Variants in ANKHD1 observed in about 807,000 individuals in gnomAD.
The protein encoded by ANKHD1 is ankyrin repeat and KH domain-containing protein 1.
A neutral mutation model predicts 230.5 loss-of-function variants in ANKHD1; 31 were observed. That is an observed-to-expected ratio of 0.13 (90% CI 0.10 to 0.18). The LOEUF (loss-of-function observed/expected upper bound fraction) is 0.18, where lower values mean the gene tolerates loss of function less well. ANKHD1 is among the 10% of genes least tolerant of loss of function. The pLI, the probability that ANKHD1 is intolerant of heterozygous loss-of-function variation, is 1.00. For synonymous variants in ANKHD1, 1,074 were observed against 1,117.6 expected (o/e 0.96, Z 0.78); for missense variants, 2,256 against 3,071.3 (o/e 0.73, Z 6.27).
At chr5:140,477,448 T>C (rs1332027791) in intron 10 of ANKHD1, among the ~76,000 whole-genome samples, 1 of 152,170 alleles carries the variant, frequency 6.6e-6, no homozygotes, top group Admixed American at 6.5e-5. Context: ...TTCCAATACA[T>C]GGAATATTTA....
chr5:140,519,722 C>T (rs914953167), intron 24 of ANKHD1, among the ~76,000 whole-genome samples: 4 of 152,100 alleles, frequency 2.6e-5, no homozygotes, highest in African/African-American at 9.7e-5. Flanking sequence ...ACTGGCTAGC[C>T]ATATGTAGAA....
chr5:140,518,855 G>A (rs1284715420), intron 24 of ANKHD1, among the ~76,000 whole-genome samples: 20 of 152,094 alleles, frequency 1.3e-4, no homozygotes, highest in Admixed American at 9.2e-4. Context: ...AACTGGAAGC[G>A]TTCCCTTTGA....
At chr5:140,407,736 AT>A (rs756651090) in intron 1 of ANKHD1, among the ~76,000 whole-genome samples, 1 of 152,140 alleles carries the variant, frequency 6.6e-6, no homozygotes, top group East Asian at 1.9e-4. Context: ...TGGTCTTTTA[AT>A]TTTTTTAGCA....
intron 7 of ANKHD1, among the ~76,000 whole-genome samples, chr5:140,450,115 A>T (rs985044304): frequency 2.6e-5 from 4 of 152,230 alleles, no homozygotes; most frequent in Non-Finnish European, 4.4e-5. Context: ...AAGCATTCTG[A>T]TAAGTATTTA....
At chr5:140,474,636 G>T (rs368726593) in intron 10 of ANKHD1, among the ~76,000 whole-genome samples, 1 of 125,860 alleles carries the variant, frequency 7.9e-6, no homozygotes. Context: ...TCACTTTGTC[G>T]CTCAGGCTAG....
In ANKHD1 at chr5:140,402,088, A is replaced by T; in HGVS notation, c.121A>T (p.Ile41Phe). 6.6e-7 allele frequency: 1 copy of T among 1,517,032 alleles called. No homozygotes were observed. Among genetic ancestry groups the T allele is most frequent in the South Asian group, 1.3e-5 (1 of 78,242 alleles). 94.0% of individuals were successfully genotyped at this position (1,517,032 alleles called of 1,614,324 possible). ...TCCGCCGGGAGGGGTCGGTCTGGGG[A>T]TCCGCACCGTGAGGCTCTTTGGGGA... ...PPPPGGVGLG[I>F]RTVRLFGEAG... Residue 41 changes from isoleucine to phenylalanine, a missense_variant, in exon 1 of 34, where the codon ATC becomes TTC. Ile to Phe is a conservative substitution (Grantham distance 21). Coordinates refer to ENST00000360839, the MANE Select transcript of ANKHD1 (RefSeq NM_017747.3).
At chr5:140,448,158 C>T (rs1245246222) in intron 6 of ANKHD1, among the ~76,000 whole-genome samples, 1 of 152,086 alleles carries the variant, frequency 6.6e-6, no homozygotes, top group South Asian at 2.1e-4. Context: ...TATGATCATG[C>T]CACTGGACTA....
chr5:140,508,631 C>A (rs1310335556), intron 20 of ANKHD1, among the ~76,000 whole-genome samples: 1 of 151,998 alleles, frequency 6.6e-6, no homozygotes, highest in Middle Eastern at 3.2e-3. Context: ...TGGCAGGCGC[C>A]TTTAATCCCA....
chr5:140,486,990 G>T lies in ANKHD1; in HGVS notation c.2175G>T (p.Met725Ile), dbSNP rs779781118. Residue 725 changes from methionine to isoleucine, a missense_variant, in exon 14 of 34, where the codon ATG becomes ATT. Around this residue, in one of 13 missense-constraint regions of ANKHD1, gnomAD observed 358 missense variants for 397.7 expected, o/e 0.90. Transcript: ENST00000360839. ...VPRVPTHTLAMVVPPQEPDRT... is the reference protein window; with the variant it reads ...VPRVPTHTLAIVVPPQEPDRT... ...GTGTGCCAACGCATACACTTGCCAT[G>T]GTTGTACCTCCCCAGGAACCTGACA... is the stretch of plus-strand genomic sequence containing the variant. The T allele has an allele frequency of 1.2e-6, 2 of 1,613,402 alleles. No individual in the cohort carries two copies. The highest frequency in any genetic ancestry group is 4.5e-5 in the East Asian group (2 of 44,848).
rs55859898 is a variant in ANKHD1 at position 140,485,397 on chromosome 5, AACACACACACAC to A, written c.1998+168_1999-162del. 3.0e-6 allele frequency: 2 copies of A among 664,316 alleles called. No individual in the cohort carries two copies. The highest frequency in any genetic ancestry group is 4.6e-6 in the Non-Finnish European group (2 of 438,084). 41.2% of individuals were successfully genotyped at this position (664,316 alleles called of 1,614,324 possible). A position where few individuals can be genotyped will look rare whatever the true frequency, so the allele number is the denominator to read the frequency against. ...CATAAGGAGACCCCATCTCTATTAAAACACACACACACACACACACACACACACACGTATGTA... is the reference window on the plus strand; with the variant it reads ...CATAAGGAGACCCCATCTCTATTAAAACACACACACACACACACGTATGTA... On this transcript the variant is annotated intron_variant, in intron 12 of 33. Coordinates refer to ENST00000360839, the MANE Select transcript of ANKHD1 (RefSeq NM_017747.3). This position sits in a 1 kb window ranked among gnomAD's most constrained non-coding sequence, Gnocchi z 4.8.
chr5:140,437,281 C>T (rs894436463), intron 2 of ANKHD1, among the ~76,000 whole-genome samples: 1 of 152,170 alleles, frequency 6.6e-6, no homozygotes, highest in Non-Finnish European at 1.5e-5. Context: ...TCCAGTTTTT[C>T]AGTATCACAA....
intron 11 of ANKHD1, 163 bp from the exon 12 acceptor site, chr5:140,484,958 A>G: frequency 8.7e-7 from 1 of 1,145,722 alleles, no homozygotes; most frequent in Non-Finnish European, 1.1e-6. Context: ...CTGGTTACAC[A>G]GGTGTGTGTT....
In ANKHD1 at chr5:140,426,321, A is replaced by AT. The variant is rs574385168; in HGVS notation, c.307-9779dup. 7.2e-5 allele frequency among the ~76,000 whole-genome samples: 11 copies of AT among 151,796 alleles called. No individual in the cohort carries two copies. In the East Asian group the frequency reaches 1.7e-3, roughly 24 times the overall value. Reference sequence around the variant, plus strand: ...TTTTTGTATTTTTGGTAGAGACAGGATTTTGCCATGTTGCCCAGGCTGGTC... The same window carrying AT: ...TTTTTGTATTTTTGGTAGAGACAGGATTTTTGCCATGTTGCCCAGGCTGGTC... On this transcript the variant is annotated intron_variant, in intron 1 of 33. Coordinates refer to ENST00000360839, the MANE Select transcript of ANKHD1 (RefSeq NM_017747.3).
At chr5:140,531,282 TAAG>T in intron 29 of ANKHD1, 5 of 420,964 alleles carry the variant, frequency 1.2e-5, no homozygotes, top group South Asian at 8.3e-5. Context: ...AGTTTTCAGG[TAAG>T]AAGTAGTAAT....
At chr5:140,489,166 G>A (rs1284531543) in intron 14 of ANKHD1, among the ~76,000 whole-genome samples, 3 of 151,030 alleles carry the variant, frequency 2.0e-5, no homozygotes, top group African/African-American at 7.3e-5. Context: ...CCCCAGTGTG[G>A]GCCACAGAGC....
chr5:140,514,107 T>C (rs895903540), intron 24 of ANKHD1, among the ~76,000 whole-genome samples: 2 of 148,782 alleles, frequency 1.3e-5, no homozygotes, highest in African/African-American at 5.0e-5. Context: ...ATCACTTGAG[T>C]CCAGGAGTTC....
intron 10 of ANKHD1, among the ~76,000 whole-genome samples, chr5:140,476,969 A>AGG (rs1751004715): frequency 6.6e-6 from 1 of 152,142 alleles, no homozygotes; most frequent in Admixed American, 6.5e-5. Flanking sequence ...TTTTAAAGAA[A>AGG]AATAGAATCG....
chr5:140,493,379 A>C (rs1751893341), intron 14 of ANKHD1, among the ~76,000 whole-genome samples: 1 of 152,168 alleles, frequency 6.6e-6, no homozygotes, highest in African/African-American at 2.4e-5. Context: ...TTATTTTTAA[A>C]TAGTACTTTA....
rs1473203238 is a variant in ANKHD1 at position 140,419,812 on chromosome 5, T to TTC, written c.307-16290_307-16289dup. ...TTTCTTTCTTTCTTTCTTTCTTTCT[T>TTC]TCTTTCTTTCTTTCTTTCTTTCTTT... On this transcript the variant is annotated intron_variant, in intron 1 of 33. Transcript: ENST00000360839. 1.4e-5 allele frequency among the ~76,000 whole-genome samples: 2 copies of TTC among 141,478 alleles called. 1 individual carries two copies. Among genetic ancestry groups the TTC allele is most frequent in the African/African-American group, 5.2e-5 (2 of 38,182 alleles). The allele number at this position is 141,478 out of a possible 152,430, so 92.8% of individuals were successfully genotyped here. A position where few individuals can be genotyped will look rare whatever the true frequency, so the allele number is the denominator to read the frequency against.
Sources: gnomAD v4.1 joint callset for allele counts (sites outside exome capture counted in the v4.1 genomes callset) on GRCh38, gnomAD v4.1.1 for gene constraint, gnomAD v4.1.1 regional missense constraint, Gnocchi (gnomAD v3.1) non-coding constraint, MANE v1.5 for transcripts, NCBI Gene and HGNC (gene_info 2026-07-23, HGNC 2026-07-21) for gene names.